Variants in TRABD2B observed in about 807,000 individuals in gnomAD.
TRABD2B encodes the protein TraB domain containing 2B, also known as metalloprotease TIKI2.
In TRABD2B, 14 loss-of-function variants were observed where a neutral mutation model predicts 40.1. The observed-to-expected ratio is 0.35, with a 90% confidence interval of 0.23 to 0.55. The LOEUF (loss-of-function observed/expected upper bound fraction) is 0.55. TRABD2B is among the 20% of genes least tolerant of loss of function. The pLI, the probability that TRABD2B is intolerant of heterozygous loss-of-function variation, is 0.90. For synonymous variants in TRABD2B, 263 were observed against 277.0 expected (o/e 0.95, Z 0.50); for missense variants, 541 against 648.6 (o/e 0.83, Z 1.80).
At chr1:47,955,866 C>T (rs1645413233) in intron 2 of TRABD2B, among the ~76,000 whole-genome samples, 1 of 152,162 alleles carries the variant, frequency 6.6e-6, no homozygotes, top group Admixed American at 6.5e-5. Context: ...GACAGATAGT[C>T]TGGCTACCAC....
At chr1:47,845,366 A>G (rs1354679319) in intron 2 of TRABD2B, among the ~76,000 whole-genome samples, 1 of 152,200 alleles carries the variant, frequency 6.6e-6, no homozygotes, top group Admixed American at 6.5e-5. Flanking sequence ...AATAGTGAGT[A>G]ATTATTTTGC....
intron 2 of TRABD2B, among the ~76,000 whole-genome samples, chr1:47,864,025 C>G (rs945183994): frequency 6.6e-6 from 1 of 152,112 alleles, no homozygotes; most frequent in African/African-American, 2.4e-5. Flanking sequence ...ATAATTCCAA[C>G]TATATGACAT....
chr1:47,828,467 T>C (rs1645206086), intron 2 of TRABD2B, among the ~76,000 whole-genome samples: 1 of 152,190 alleles, frequency 6.6e-6, no homozygotes. Flanking sequence ...GATTTGACAG[T>C]GCACGAGGGC....
At chr1:47,804,932 G>A (rs1043089674) in intron 2 of TRABD2B, among the ~76,000 whole-genome samples, 1 of 152,248 alleles carries the variant, frequency 6.6e-6, no homozygotes, top group African/African-American at 2.4e-5. Context: ...GCGGGCGCCT[G>A]AAGTCTCACT....
At chr1:47,958,149 A>T (rs1316454295) in intron 2 of TRABD2B, among the ~76,000 whole-genome samples, 1 of 149,978 alleles carries the variant, frequency 6.7e-6, no homozygotes, top group Non-Finnish European at 1.5e-5. Context: ...CTTTACAGAC[A>T]AGCAAATGCT....
chr1:47,928,301 C>T (rs1386061642), intron 2 of TRABD2B, among the ~76,000 whole-genome samples: 1 of 152,146 alleles, frequency 6.6e-6, no homozygotes, highest in Non-Finnish European at 1.5e-5. Flanking sequence ...ACCCTATGGC[C>T]TAGGAAGAAA....
intron 4 of TRABD2B, among the ~76,000 whole-genome samples, chr1:47,783,389 G>A (rs183956476): frequency 2.6e-5 from 4 of 152,252 alleles, no homozygotes; most frequent in South Asian, 2.1e-4. Flanking sequence ...GACAAAAAGC[G>A]TGGTGGAGAC....
intron 4 of TRABD2B, among the ~76,000 whole-genome samples, chr1:47,781,405 T>C (rs3850885): frequency 0.61 from 92,799 of 152,016 alleles, 28,829 homozygotes; most frequent in East Asian, 0.89. Flanking sequence ...TTTCTGGGAC[T>C]GAGTAGAGGA....
chr1:47,913,471 T>C (rs1644789546), intron 2 of TRABD2B, among the ~76,000 whole-genome samples: 1 of 152,208 alleles, frequency 6.6e-6, no homozygotes, highest in South Asian at 2.1e-4. Context: ...CCCAGCTCAC[T>C]GTTTACCCAG....
intron 2 of TRABD2B, among the ~76,000 whole-genome samples, chr1:47,929,720 G>A (rs376226087): frequency 6.6e-6 from 1 of 152,134 alleles, no homozygotes; most frequent in African/African-American, 2.4e-5. Context: ...GTGCTCATGC[G>A]CATTTGCTGG....
At chr1:47,807,547 G>C (rs1644908575) in intron 2 of TRABD2B, among the ~76,000 whole-genome samples, 1 of 152,218 alleles carries the variant, frequency 6.6e-6, no homozygotes, top group African/African-American at 2.4e-5. Flanking sequence ...AGCAATACCA[G>C]CTATGATAAC....
At chr1:47,781,416 G>C (rs1174709654) in intron 4 of TRABD2B, among the ~76,000 whole-genome samples, 1 of 152,188 alleles carries the variant, frequency 6.6e-6, no homozygotes, top group Non-Finnish European at 1.5e-5. Flanking sequence ...GAGTAGAGGA[G>C]ACACTTAGAG....
At chr1:47,816,776 G>C (rs903522737) in intron 2 of TRABD2B, among the ~76,000 whole-genome samples, 5 of 152,166 alleles carry the variant, frequency 3.3e-5, no homozygotes, top group Non-Finnish European at 5.9e-5. Flanking sequence ...GGGAGTATGT[G>C]AAGTTTGTCA....
chr1:47,795,554 G>T, intron 3 of TRABD2B: 1 of 642,294 alleles, frequency 1.6e-6, no homozygotes, highest in Non-Finnish European at 1.9e-6. Flanking sequence ...GATGCTGCGT[G>T]GCACCGGGCA....
intron 2 of TRABD2B, among the ~76,000 whole-genome samples, chr1:47,923,288 T>C (rs1013577032): frequency 6.6e-6 from 1 of 152,218 alleles, no homozygotes; most frequent in Admixed American, 6.5e-5. Context: ...TAGACAGTAA[T>C]GCATTCAGGC....
At chr1:47,979,376 G>A (rs901522458) in intron 2 of TRABD2B, among the ~76,000 whole-genome samples, 4 of 152,228 alleles carry the variant, frequency 2.6e-5, no homozygotes, top group Admixed American at 6.5e-5. Flanking sequence ...AGACAGACAT[G>A]TGAACATATA....
Position 47,762,520 on chromosome 1 carries a change from G to A in TRABD2B, c.*3382C>T, listed in dbSNP as rs1644254726. 6.6e-6 allele frequency: 1 copy of A among 152,230 alleles called. No individual in the cohort carries two copies. Among genetic ancestry groups the A allele is most frequent in the African/African-American group, 2.4e-5 (1 of 41,450 alleles). 9.4% of individuals were successfully genotyped at this position (152,230 alleles called of 1,614,324 possible). A position where few individuals can be genotyped will look rare whatever the true frequency, so the allele number is the denominator to read the frequency against. On this transcript the variant is annotated 3_prime_UTR_variant, in exon 7 of 7. Transcript: ENST00000606738. ...CCTGGGCTGGAGATTAGGCAAGTGG[G>A]ACAAGGGGCCTGAGCACCTAGGCTT...
Position 47,997,253 on chromosome 1 carries a change from G to C in TRABD2B, c.-464C>G. The C allele has an allele frequency of 4.1e-6, 4 of 980,402 alleles. No individual in the cohort carries two copies. The highest frequency in any genetic ancestry group is 4.8e-6 in the Non-Finnish European group (4 of 826,950). The allele number at this position is 980,402 out of a possible 1,614,324, so 60.7% of individuals were successfully genotyped here. On this transcript the variant is annotated 5_prime_UTR_variant, in exon 1 of 7. Transcript: ENST00000606738. Reference sequence around the variant, plus strand: ...CGCAGTGGGACAAGTGCGGCGGAAGGCGCGGCAGGGGTGGGGGGCGGCTCT... The same window carrying C: ...CGCAGTGGGACAAGTGCGGCGGAAGCCGCGGCAGGGGTGGGGGGCGGCTCT...
At chr1:47,826,036 T>C (rs996543601) in intron 2 of TRABD2B, among the ~76,000 whole-genome samples, 1 of 152,202 alleles carries the variant, frequency 6.6e-6, no homozygotes, top group African/African-American at 2.4e-5. Flanking sequence ...TGGCAGATGA[T>C]AGATGCTCAG....
Sources: allele counts gnomAD v4.1 joint callset (sites outside exome capture counted in the v4.1 genomes callset), GRCh38; gene constraint gnomAD v4.1.1; transcripts MANE v1.5; gene names NCBI Gene and HGNC (gene_info 2026-07-23, HGNC 2026-07-21).